The following ACOXL variants were observed in gnomAD, a reference collection of about 807,000 sequenced individuals.
The protein encoded by ACOXL is acyl-coenzyme A oxidase-like protein.
ACOXL carries 70 observed loss-of-function variants against 71.9 expected under a neutral mutation model. The observed-to-expected ratio is 0.97, with a 90% CI of 0.80 to 1.19. The LOEUF (loss-of-function observed/expected upper bound fraction) is 1.19, where lower values mean the gene tolerates loss of function less well. Ranked by LOEUF, ACOXL falls within the 50% of genes most tolerant of loss-of-function variation. The pLI, the probability that ACOXL is intolerant of heterozygous loss-of-function variation, is 0.00. For synonymous variants in ACOXL, 253 were observed against 281.6 expected (o/e 0.90, Z 1.02); for missense variants, 703 against 736.3 (o/e 0.95, Z 0.52).
intron 12 of ACOXL, among the ~76,000 whole-genome samples, chr2:110,941,570 C>A (rs950603367): frequency 2.6e-4 from 39 of 152,280 alleles, no homozygotes; most frequent in African/African-American, 8.2e-4. Context: ...TAAATAATTT[C>A]TATCTCCTAT....
At chr2:110,778,422 G>T (rs905033400) in intron 2 of ACOXL, among the ~76,000 whole-genome samples, 1 of 152,228 alleles carries the variant, frequency 6.6e-6, no homozygotes, top group Admixed American at 6.5e-5. Context: ...TCTTTGAAAT[G>T]TATCATATAT....
Position 111,039,878 on chromosome 2 carries a change from T to C in ACOXL, c.1369+8164T>C, listed in dbSNP as rs758802011. 5.9e-5 allele frequency among the ~76,000 whole-genome samples: 9 copies of C among 152,202 alleles called. No individual in the cohort carries two copies. In the South Asian group the frequency reaches 8.3e-4, roughly 14 times the overall value. On this transcript the variant is annotated intron_variant, in intron 15 of 17. Transcript: ENST00000439055. ...CACGAATCATGCAAGTAGGTTAGTCTGGAAAACATAACACAGCAGAAAAAA... is the reference window on the plus strand; with the variant it reads ...CACGAATCATGCAAGTAGGTTAGTCCGGAAAACATAACACAGCAGAAAAAA...
chr2:110,804,441 T>G (rs961928996), intron 8 of ACOXL, among the ~76,000 whole-genome samples: 5 of 152,206 alleles, frequency 3.3e-5, no homozygotes, highest in Admixed American at 6.5e-5. Context: ...AGTTATCATC[T>G]TATGACCCAG....
intron 12 of ACOXL, among the ~76,000 whole-genome samples, chr2:110,943,492 G>A (rs377058888): frequency 2.0e-5 from 3 of 152,082 alleles, no homozygotes; most frequent in East Asian, 3.9e-4. Flanking sequence ...AGGAGAGGGG[G>A]AAATCACCCC....
chr2:110,886,649 G>T lies in ACOXL; in HGVS notation c.789-22140G>T. 2.5e-6 allele frequency: 3 copies of T among 1,183,636 alleles called. No individual in the cohort carries two copies. In the South Asian group the frequency reaches 4.5e-5, roughly 18 times the overall value. 73.3% of individuals were successfully genotyped at this position (1,183,636 alleles called of 1,614,324 possible). On this transcript the variant is annotated intron_variant, in intron 10 of 17. Coordinates refer to ENST00000439055, the MANE Select transcript of ACOXL (RefSeq NM_001142807.4). ...CCACCTCGGCTTCTCAAAATGCTGG[G>T]ATTACAGGCTTGAGCCACTGCGTCT...
At chr2:110,769,226 A>AAAAGAAAGAAAGAAAGAAAGAAAG (rs10599265) in intron 2 of ACOXL, among the ~76,000 whole-genome samples, 29 of 148,728 alleles carry the variant, frequency 1.9e-4, no homozygotes, top group African/African-American at 7.1e-4. Context: ...GCCTCATGAA[A>AAAAGAAAGAAAGAAAGAAAGAAAG]AAAGAAAGAA....
rs1278037021 is a variant in ACOXL, at chr2:111,117,658, G to C, written c.1585G>C (p.Val529Leu). The C allele has an allele frequency of 3.2e-6, 5 of 1,551,768 alleles. No individual in the cohort carries two copies. The highest frequency in any genetic ancestry group is 3.5e-6 in the Non-Finnish European group (4 of 1,147,010). The change falls in exon 18 of 18, where the codon GTG becomes CTG. Residue 529 changes from valine to leucine, a missense_variant. Physicochemically the swap from Val to Leu is conservative, Grantham distance 32. Transcript: ENST00000439055. ...CDSVKDDARRVISTFNIPHTY... is the reference protein window; with the variant it reads ...CDSVKDDARRLISTFNIPHTY... ...CTCGGTGAAGGATGATGCCCGGAGGGTGATCTCGACCTTTAACATTCCACA... is the reference window on the plus strand; with the variant it reads ...CTCGGTGAAGGATGATGCCCGGAGGCTGATCTCGACCTTTAACATTCCACA...
chr2:111,079,925 T>G (rs190625363), intron 16 of ACOXL, among the ~76,000 whole-genome samples: 1 of 152,224 alleles, frequency 6.6e-6, no homozygotes, highest in African/African-American at 2.4e-5. Context: ...ATTCAGGGAT[T>G]CAACTTCTTC....
intron 12 of ACOXL, among the ~76,000 whole-genome samples, chr2:110,982,012 A>G (rs2062726332): frequency 6.6e-6 from 1 of 152,228 alleles, no homozygotes; most frequent in African/African-American, 2.4e-5. Context: ...TAACTGAAAC[A>G]ACAACAAAAC....
At chr2:110,865,925 T>C (rs1316803377) in intron 10 of ACOXL, among the ~76,000 whole-genome samples, 2 of 152,084 alleles carry the variant, frequency 1.3e-5, no homozygotes, top group Admixed American at 6.5e-5. Flanking sequence ...TATTTACTCC[T>C]CTTGATAGAC....
At chr2:111,080,197 A>AT (rs201092281) in intron 16 of ACOXL, among the ~76,000 whole-genome samples, 41,783 of 151,854 alleles carry the variant, frequency 0.28, 5,775 homozygotes, top group Middle Eastern at 0.35. Flanking sequence ...TTTTTGAAGG[A>AT]TTTTTTGTGT....
chr2:110,876,734 G>A (rs546339506), intron 10 of ACOXL, among the ~76,000 whole-genome samples: 1 of 152,248 alleles, frequency 6.6e-6, no homozygotes, highest in East Asian at 1.9e-4. Flanking sequence ...TCAATGAAAT[G>A]ATTCTAAAAG....
intron 1 of ACOXL, among the ~76,000 whole-genome samples, chr2:110,760,720 T>C (rs1330713440): frequency 1.3e-5 from 2 of 152,210 alleles, no homozygotes; most frequent in Non-Finnish European, 2.9e-5. Flanking sequence ...CCCGCAAGCA[T>C]GGTAGTCTGA....
intron 10 of ACOXL, among the ~76,000 whole-genome samples, chr2:110,894,638 T>C (rs770705143): frequency 2.0e-5 from 3 of 152,092 alleles, no homozygotes; most frequent in Non-Finnish European, 2.9e-5. Flanking sequence ...ACCTGTGGCT[T>C]CAGGAGAGAC....
At chr2:110,899,635 A>G (rs961662173) in intron 10 of ACOXL, among the ~76,000 whole-genome samples, 2 of 152,200 alleles carry the variant, frequency 1.3e-5, no homozygotes, top group African/African-American at 2.4e-5. Context: ...TGAAATTAAT[A>G]CAACAGTGAA....
intron 15 of ACOXL, among the ~76,000 whole-genome samples, chr2:111,042,762 C>T (rs1301269529): frequency 6.6e-6 from 1 of 152,172 alleles, no homozygotes; most frequent in African/African-American, 2.4e-5. Context: ...GACCATCACA[C>T]CAGGACTCCC....
intron 12 of ACOXL, among the ~76,000 whole-genome samples, chr2:110,942,972 AAG>A (rs1222319254): frequency 1.4e-5 from 2 of 147,416 alleles, no homozygotes; most frequent in African/African-American, 2.5e-5. Context: ...AAGAAAAAAA[AAG>A]AAGAGTGGGA....
intron 10 of ACOXL, among the ~76,000 whole-genome samples, chr2:110,860,700 A>C (rs1341674695): frequency 6.6e-6 from 1 of 152,176 alleles, no homozygotes; most frequent in Non-Finnish European, 1.5e-5. Flanking sequence ...CCAGAACTCT[A>C]TCCAGATCTT....
chr2:111,017,276 G>A (rs2064498083), intron 14 of ACOXL, among the ~76,000 whole-genome samples: 1 of 152,212 alleles, frequency 6.6e-6, no homozygotes, highest in Non-Finnish European at 1.5e-5. Flanking sequence ...TGGTGAGCTG[G>A]GATCACAGAC....
Sources: gnomAD v4.1 joint callset for allele counts (sites outside exome capture counted in the v4.1 genomes callset) on GRCh38, gnomAD v4.1.1 for gene constraint, MANE v1.5 for transcripts, NCBI Gene and HGNC (gene_info 2026-07-23, HGNC 2026-07-21) for gene names.